SEMA5A: variants seen among roughly 807,000 people sequenced by gnomAD.
SEMA5A encodes the protein semaphorin 5A.
Under a neutral mutation model 135.5 loss-of-function variants are expected in SEMA5A, and 55 were observed. That is an observed-to-expected ratio of 0.41 (90% confidence interval 0.33 to 0.51). The LOEUF is 0.51. Ranked by LOEUF, SEMA5A falls within the 20% of genes least tolerant of loss-of-function variation. The probability of loss-of-function intolerance (pLI) is 0.37; values close to 1 mark genes in which losing one functional copy is unlikely to be tolerated. For synonymous variants in SEMA5A, 580 were observed against 546.5 expected, an observed-to-expected ratio of 1.06 and a Z score of -0.85; for missense variants, 1,290 against 1,419.9, an observed-to-expected ratio of 0.91 and a Z score of 1.47.
intron 18 of SEMA5A, among the ~76,000 whole-genome samples, chr5:9,061,551 G>A (rs1737182749): frequency 6.6e-6 from 1 of 152,152 alleles, no homozygotes; most frequent in Admixed American, 6.5e-5. Flanking sequence ...AGAGCAGGAA[G>A]TGGGAAGTTC....
chr5:9,493,808 A>T (rs1008387169), intron 1 of SEMA5A, among the ~76,000 whole-genome samples: 3 of 152,196 alleles, frequency 2.0e-5, no homozygotes, highest in Non-Finnish European at 4.4e-5. Context: ...GACACACACC[A>T]GCAGCCTCTC....
Position 9,044,502 on chromosome 5 carries a change from G to A in SEMA5A, c.2976C>T (p.Tyr992=), listed in dbSNP as rs1159048449. ...GCLLTLLVYT[Y]CQRYQQQSHD... ...GGGATTGCTGCTGGTACCGCTGGCA[G>A]TAAGTATAGACGAGCAGGGTGAGGA... Residue 992 remains tyrosine (Y), a synonymous_variant, in exon 22 of 23, where the codon TAC becomes TAT. Coordinates refer to ENST00000382496, the MANE Select transcript of SEMA5A (RefSeq NM_003966.3). 1 of 1,614,034 alleles carries A rather than the reference G, an allele frequency of 6.2e-7. No homozygotes were observed. Among genetic ancestry groups the A allele is most frequent in the South Asian group, 1.1e-5 (1 of 91,066 alleles).
In SEMA5A at chr5:9,197,159, GA is replaced by G; in HGVS notation, c.1068+8del. ...TGCCAACAGTGCCCCTTTGCCCCCC[GA>G]AAATTACCTGGAAGTGGGGGTTTGG... is the stretch of plus-strand genomic sequence containing the variant. On this transcript the variant is annotated splice_region_variant and intron_variant, in intron 10 of 22. Transcript: ENST00000382496. 1 of 1,614,136 alleles carries G rather than the reference GA, an allele frequency of 6.2e-7. No individual in the cohort carries two copies. The highest frequency in any genetic ancestry group is 8.5e-7 in the Non-Finnish European group (1 of 1,180,002).
At chr5:9,163,020 C>T (rs1743379687) in intron 11 of SEMA5A, among the ~76,000 whole-genome samples, 1 of 152,080 alleles carries the variant, frequency 6.6e-6, no homozygotes. Flanking sequence ...TCCTAAAAAT[C>T]AGGTGAACTG....
chr5:9,407,204 T>C (rs1756919134), intron 2 of SEMA5A, among the ~76,000 whole-genome samples: 1 of 152,220 alleles, frequency 6.6e-6, no homozygotes, highest in African/African-American at 2.4e-5. Flanking sequence ...CACTGCTGTA[T>C]ACAAAGATAC....
chr5:9,189,585 C>G (rs953564962), intron 11 of SEMA5A, among the ~76,000 whole-genome samples: 5 of 152,132 alleles, frequency 3.3e-5, no homozygotes, highest in African/African-American at 1.2e-4. Flanking sequence ...TGAGATGGCT[C>G]TGTATGGGAA....
intron 12 of SEMA5A, among the ~76,000 whole-genome samples, chr5:9,148,095 C>A (rs945111714): frequency 1.2e-4 from 19 of 152,122 alleles, no homozygotes; most frequent in African/African-American, 4.3e-4. Context: ...CACACTCTTT[C>A]AATGAATGTT....
At chr5:9,337,673 T>C in intron 4 of SEMA5A, 40 bp downstream of exon 4, 1 of 1,399,948 alleles carries the variant, frequency 7.1e-7, no homozygotes, top group East Asian at 2.3e-5. Context: ...TAAAATGAAG[T>C]CCAAAAATAT....
At position 9,062,897 on chromosome 5, in the gene SEMA5A, C is replaced by T; in HGVS notation, c.2508G>A (p.Leu836=). 4 of 1,614,220 alleles carry T rather than the reference C, an allele frequency of 2.5e-6. No individual in the cohort carries two copies. The highest frequency in any genetic ancestry group is 1.7e-5 in the Admixed American group (1 of 60,024). Residue 836 remains leucine, a synonymous_variant, in exon 18 of 23, where the codon TTG becomes TTA. Transcript: ENST00000382496. Reference sequence around the variant, plus strand: ...ACACAATCCACTTACCTGGGCAGGGCAAAATGTTGCATTCCTGGTATTCCA... The same window carrying T: ...ACACAATCCACTTACCTGGGCAGGGTAAAATGTTGCATTCCTGGTATTCCA... The part of the protein sequence containing the change: ...PSLEYQECNI[L]PCPVDGVWSC...
chr5:9,519,228 G>A (rs929270912), intron 1 of SEMA5A, among the ~76,000 whole-genome samples: 4 of 152,044 alleles, frequency 2.6e-5, no homozygotes, highest in East Asian at 1.9e-4. Flanking sequence ...TTTTTTTTAG[G>A]TGAGTATCCC....
chr5:9,332,872 G>A (rs1753219379), intron 4 of SEMA5A, among the ~76,000 whole-genome samples: 1 of 152,332 alleles, frequency 6.6e-6, no homozygotes, highest in African/African-American at 2.4e-5. Context: ...ATCATTACCT[G>A]ATCCAAGTAT....
chr5:9,271,921 C>G (rs930969161), intron 5 of SEMA5A, among the ~76,000 whole-genome samples: 6 of 152,172 alleles, frequency 3.9e-5, no homozygotes, highest in African/African-American at 1.4e-4. Flanking sequence ...GGGGTTCCAG[C>G]ACAAAACTGG....
intron 3 of SEMA5A, among the ~76,000 whole-genome samples, chr5:9,352,362 C>G (rs1385481613): frequency 6.6e-6 from 1 of 152,036 alleles, no homozygotes; most frequent in Non-Finnish European, 1.5e-5. Flanking sequence ...ATCTAGCTAT[C>G]TAGCTAGCTA....
chr5:9,283,603 A>G (rs1206914955), intron 5 of SEMA5A, among the ~76,000 whole-genome samples: 1 of 152,190 alleles, frequency 6.6e-6, no homozygotes, highest in Non-Finnish European at 1.5e-5. Flanking sequence ...TAAATTAATT[A>G]TGGTCCTGCT....
Position 9,509,083 on chromosome 5 carries a change from C to T in SEMA5A, c.-175+36501G>A, listed in dbSNP as rs550878862. On this transcript the variant is annotated intron_variant, in intron 1 of 22. Coordinates refer to ENST00000382496, the MANE Select transcript of SEMA5A (RefSeq NM_003966.3). ...GCCAAGCAGAGGGTATGGGTGGGTA[C>T]AAGGTGGTGCTTTCTACTACTCACC... Among the ~76,000 whole-genome samples, 4 of 152,014 alleles carry T rather than the reference C, an allele frequency of 2.6e-5. No individual in the cohort carries two copies. In the East Asian group the frequency reaches 7.8e-4, roughly 30 times the overall value.
chr5:9,085,903 C>T (rs1034974376), intron 16 of SEMA5A, among the ~76,000 whole-genome samples: 4 of 152,166 alleles, frequency 2.6e-5, no homozygotes, highest in African/African-American at 9.7e-5. Context: ...GTTGGAGCTG[C>T]CCAAGACCAT....
chr5:9,116,704 GA>G (rs1208619827), intron 15 of SEMA5A, among the ~76,000 whole-genome samples: 4 of 152,096 alleles, frequency 2.6e-5, no homozygotes, highest in Non-Finnish European at 5.9e-5. Flanking sequence ...AAATAAATAT[GA>G]TATACATGTA....
At position 9,204,807 on chromosome 5, in the gene SEMA5A, T is replaced by C. The variant is rs955658341; in HGVS notation, c.647-2567A>G. ...CAGCAGGAGGTGAGCAGCAGGCAAA[T>C]GAATGTTACCTCCTGAGCTCCGCCT... is the stretch of plus-strand genomic sequence containing the variant. On this transcript the variant is annotated intron_variant, in intron 8 of 22. Transcript: ENST00000382496. This position sits in a 1 kb window ranked among gnomAD's most constrained non-coding sequence, Gnocchi z 6.4. Among the ~76,000 whole-genome samples the C allele has an allele frequency of 1.3e-5, 2 of 152,104 alleles. No homozygotes were observed. Among genetic ancestry groups the C allele is most frequent in the African/African-American group, 4.8e-5 (2 of 41,426 alleles).
At chr5:9,379,007 TG>T (rs1479244240) in intron 3 of SEMA5A, among the ~76,000 whole-genome samples, 2 of 152,054 alleles carry the variant, frequency 1.3e-5, no homozygotes, top group East Asian at 3.9e-4. Flanking sequence ...TGAAAAAGGA[TG>T]GGGATGGGCC....
Sources: allele counts gnomAD v4.1 joint callset (sites outside exome capture counted in the v4.1 genomes callset), GRCh38; gene constraint gnomAD v4.1.1; non-coding constraint Gnocchi (gnomAD v3.1); transcripts MANE v1.5; gene names NCBI Gene and HGNC (gene_info 2026-07-23, HGNC 2026-07-21).